NCOA1: variants seen among roughly 807,000 people sequenced by gnomAD.
The protein encoded by NCOA1 is nuclear receptor coactivator 1, also known as Hin-2 protein.
In NCOA1, 35 loss-of-function variants were observed where a neutral mutation model predicts 150.9. The ratio of observed to expected loss-of-function variants is 0.23; its 90% CI spans 0.18 to 0.31. The LOEUF is 0.31. Ranked by LOEUF, NCOA1 falls within the 10% of genes least tolerant of loss-of-function variation. NCOA1 has a pLI of 1.00. For missense variants in NCOA1, 1,491 were observed against 1,749.3 expected, an observed-to-expected ratio of 0.85 and a Z score of 2.63; for synonymous variants, 590 against 630.0, an observed-to-expected ratio of 0.94 and a Z score of 0.95.
chr2:24,580,898 G>A (rs1422050544), intron 2 of NCOA1, among the ~76,000 whole-genome samples: 1 of 152,134 alleles, frequency 6.6e-6, no homozygotes, highest in Non-Finnish European at 1.5e-5. Context: ...GACACTCTGG[G>A]TCTTATTTAA....
At position 24,683,034 on chromosome 2, in the gene NCOA1, C is replaced by T. The variant is rs1336399698; in HGVS notation, c.438C>T (p.Tyr146=). 6.2e-7 allele frequency: 1 copy of T among 1,609,436 alleles called. No homozygotes were observed. The highest frequency in any genetic ancestry group is 1.3e-5 in the African/African-American group (1 of 74,662). The part of the protein sequence containing the change: ...VSENVTSYLG[Y]NQEELMNTSV... ...AGAATGTAACCAGCTACTTAGGTTACAATCAGGAGGAATTAATGAATACGA... is the reference window on the plus strand; with the variant it reads ...AGAATGTAACCAGCTACTTAGGTTATAATCAGGAGGAATTAATGAATACGA... The change falls in exon 8 of 23, where the codon TAC becomes TAT. Residue 146 remains tyrosine (Y), a synonymous_variant. Transcript: ENST00000348332.
chr2:24,656,977 T>A (rs995862878), intron 4 of NCOA1, among the ~76,000 whole-genome samples: 6 of 152,254 alleles, frequency 3.9e-5, no homozygotes, highest in African/African-American at 1.4e-4. Flanking sequence ...TTTGGACATA[T>A]GCATATTTGT....
Position 24,642,341 on chromosome 2 carries a change from T to TTA in NCOA1, c.-174-1625_-174-1624insTA, listed in dbSNP as rs199825342. On this transcript the variant is annotated intron_variant, in intron 3 of 22. Transcript: ENST00000348332. ...TAAATATATATATATATATATTTTT[T>TTA]AAAATCTTTAAACATATTTATAATA... Among the ~76,000 whole-genome samples the TTA allele has an allele frequency of 2.1e-3, 304 of 148,080 alleles. 4 individuals are homozygous for TTA. In the East Asian group the frequency reaches 0.039, roughly 19 times the overall value.
chr2:24,698,987 C>G (rs1345589745), intron 11 of NCOA1, among the ~76,000 whole-genome samples: 4 of 152,280 alleles, frequency 2.6e-5, no homozygotes, highest in African/African-American at 9.6e-5. Context: ...CTTATACCAC[C>G]TCCTAAGATT....
chr2:24,679,169 A>G (rs1672050861), intron 7 of NCOA1, among the ~76,000 whole-genome samples: 1 of 152,186 alleles, frequency 6.6e-6, no homozygotes, highest in African/African-American at 2.4e-5. Flanking sequence ...CAGAGTTTGG[A>G]AAAGTTCTCA....
intron 3 of NCOA1, among the ~76,000 whole-genome samples, chr2:24,616,347 A>G (rs904699339): frequency 2.0e-5 from 3 of 152,144 alleles, no homozygotes; most frequent in East Asian, 1.9e-4. Flanking sequence ...TTGCTCTTGT[A>G]TGGATTTGAT....
At chr2:24,637,649 A>G (rs1669999397) in intron 3 of NCOA1, among the ~76,000 whole-genome samples, 1 of 151,952 alleles carries the variant, frequency 6.6e-6, no homozygotes, top group African/African-American at 2.4e-5. Flanking sequence ...CCTTCCTTCT[A>G]GCTGTTTGAA....
chr2:24,516,505 T>C (rs1664172945), intron 1 of NCOA1, among the ~76,000 whole-genome samples: 1 of 151,570 alleles, frequency 6.6e-6, no homozygotes, highest in Non-Finnish European at 1.5e-5. Context: ...CTTTTTTTTT[T>C]AATTGAGGGG....
chr2:24,710,554 G>A (rs2148602956), intron 13 of NCOA1, among the ~76,000 whole-genome samples: 1 of 152,212 alleles, frequency 6.6e-6, no homozygotes, highest in East Asian at 1.9e-4. Flanking sequence ...GTCATTTTAT[G>A]AAATTTTGAA....
chr2:24,730,209 A>G (rs567532069), intron 17 of NCOA1, among the ~76,000 whole-genome samples: 93 of 152,250 alleles, frequency 6.1e-4, no homozygotes, highest in Non-Finnish European at 1.1e-3. Context: ...TGCTACAATA[A>G]AAGTGTCAAG....
At chr2:24,559,299 C>G (rs538112515) in intron 1 of NCOA1, among the ~76,000 whole-genome samples, 1 of 152,248 alleles carries the variant, frequency 6.6e-6, no homozygotes, top group Admixed American at 6.5e-5. Context: ...CGTCATTACC[C>G]TCTCAGTGCA....
chr2:24,573,808 G>A (rs1410721771), intron 2 of NCOA1, among the ~76,000 whole-genome samples: 1 of 151,472 alleles, frequency 6.6e-6, no homozygotes, highest in Admixed American at 6.6e-5. Flanking sequence ...TAAATACCGG[G>A]TCAAACAGGA....
intron 1 of NCOA1, among the ~76,000 whole-genome samples, chr2:24,545,511 A>T (rs923128746): frequency 6.6e-6 from 1 of 152,172 alleles, no homozygotes; most frequent in Admixed American, 6.5e-5. Flanking sequence ...ATTTGTGCAG[A>T]CACTCCCCTC....
intron 3 of NCOA1, among the ~76,000 whole-genome samples, chr2:24,634,963 T>A (rs1447152808): frequency 6.6e-6 from 1 of 152,070 alleles, no homozygotes; most frequent in Non-Finnish European, 1.5e-5. Flanking sequence ...GTGATCTTCC[T>A]GCCTGGGCCT....
intron 8 of NCOA1, among the ~76,000 whole-genome samples, chr2:24,689,206 C>T (rs1051339478): frequency 6.6e-6 from 1 of 152,014 alleles, no homozygotes; most frequent in African/African-American, 2.4e-5. Flanking sequence ...TATTTGGGCT[C>T]TTTTTTGGTT....
chr2:24,673,897 T>C (rs1345194044), intron 7 of NCOA1, among the ~76,000 whole-genome samples: 1 of 152,222 alleles, frequency 6.6e-6, no homozygotes, highest in Non-Finnish European at 1.5e-5. Context: ...ATGTTTAAAT[T>C]GTTTATATAA....
chr2:24,638,449 G>T (rs1479137599), intron 3 of NCOA1, among the ~76,000 whole-genome samples: 1 of 152,024 alleles, frequency 6.6e-6, no homozygotes, highest in Non-Finnish European at 1.5e-5. Flanking sequence ...ACATGGTAGT[G>T]CAGACGTCTC....
chr2:24,760,935 C>T (rs949730350), intron 21 of NCOA1, among the ~76,000 whole-genome samples: 1 of 152,112 alleles, frequency 6.6e-6, no homozygotes, highest in Admixed American at 6.5e-5. Flanking sequence ...GTAACCTCCA[C>T]CTCCTGGGTT....
intron 3 of NCOA1, among the ~76,000 whole-genome samples, chr2:24,619,364 A>C (rs1227699047): frequency 6.6e-6 from 1 of 152,234 alleles, no homozygotes; most frequent in East Asian, 1.9e-4. Flanking sequence ...AAGTATTAAT[A>C]ATATGGCCTT....
Sources: gnomAD v4.1 joint callset for allele counts (sites outside exome capture counted in the v4.1 genomes callset) on GRCh38, gnomAD v4.1.1 for gene constraint, MANE v1.5 for transcripts, NCBI Gene and HGNC (gene_info 2026-07-23, HGNC 2026-07-21) for gene names.